Variants in XXYLT1 observed in about 807,000 individuals in gnomAD.
XXYLT1 encodes the protein UDP-xylose:alpha-xyloside alpha-1,3-xylosyltransferase.
A neutral mutation model predicts 28.9 loss-of-function variants in XXYLT1; 20 were observed. The ratio of observed to expected loss-of-function variants is 0.69; its 90% CI spans 0.49 to 1.00. XXYLT1 has a LOEUF of 1.00. Among genes scored for constraint, XXYLT1 ranks in the 50% least tolerant of loss-of-function variants. XXYLT1 has a pLI of 0.00. For synonymous variants in XXYLT1, 257 were observed against 253.8 expected (o/e 1.01, Z -0.12); for missense variants, 542 against 560.1 (o/e 0.97, Z 0.33).
intron 2 of XXYLT1, among the ~76,000 whole-genome samples, chr3:195,167,303 A>G (rs1430942328): frequency 6.6e-6 from 1 of 152,156 alleles, no homozygotes; most frequent in Non-Finnish European, 1.5e-5. Context: ...AATTATTACT[A>G]TGTTGAGCCG....
At chr3:195,203,138 G>GA (rs1035411483) in intron 2 of XXYLT1, among the ~76,000 whole-genome samples, 38 of 150,782 alleles carry the variant, frequency 2.5e-4, no homozygotes, top group African/African-American at 9.0e-4. Flanking sequence ...AACCTTCATA[G>GA]AAAAAAAGTT....
chr3:195,254,424 A>G (rs1278966333), intron 1 of XXYLT1, among the ~76,000 whole-genome samples: 1 of 152,210 alleles, frequency 6.6e-6, no homozygotes, highest in African/African-American at 2.4e-5. Context: ...TGGGGGCCAC[A>G]TGGCATCACA....
At chr3:195,074,415 G>C (rs1715001704) in intron 3 of XXYLT1, among the ~76,000 whole-genome samples, 1 of 152,192 alleles carries the variant, frequency 6.6e-6, no homozygotes. Context: ...TGCAGTCAGT[G>C]AGGCCTGGAA....
At chr3:195,080,220 G>C (rs1715353279) in intron 3 of XXYLT1, among the ~76,000 whole-genome samples, 1 of 152,232 alleles carries the variant, frequency 6.6e-6, no homozygotes, top group Non-Finnish European at 1.5e-5. Context: ...GAAGTGCTCA[G>C]TGTGACAAAG....
intron 2 of XXYLT1, among the ~76,000 whole-genome samples, chr3:195,201,398 TGG>T (rs1722843627): frequency 6.6e-6 from 1 of 152,244 alleles, no homozygotes; most frequent in Non-Finnish European, 1.5e-5. Flanking sequence ...CCTGTGTCTC[TGG>T]GGGTCCATCT....
At chr3:195,118,057 A>G (rs1718143239) in intron 3 of XXYLT1, among the ~76,000 whole-genome samples, 1 of 152,206 alleles carries the variant, frequency 6.6e-6, no homozygotes, top group Admixed American at 6.5e-5. Context: ...CACAAGGAAC[A>G]AGTACATTTC....
In XXYLT1 at chr3:195,133,699, G is replaced by A. The variant is rs1577064047; in HGVS notation, c.785+22750C>T. Among the ~76,000 whole-genome samples the A allele has an allele frequency of 1.3e-5, 2 of 152,282 alleles. No homozygotes were observed. Among genetic ancestry groups the A allele is most frequent in the Admixed American group, 6.5e-5 (1 of 15,296 alleles). On this transcript the variant is annotated intron_variant, in intron 3 of 3. Coordinates refer to ENST00000310380, the MANE Select transcript of XXYLT1 (RefSeq NM_152531.5). This position sits in a 1 kb window ranked among gnomAD's most constrained non-coding sequence, Gnocchi z 4.4. ...TGTATACAGTCACGCACCACGTGAC[G>A]ACGTTGCAGTCAACGACAGAACACA...
At chr3:195,116,651 C>T (rs988554290) in intron 3 of XXYLT1, among the ~76,000 whole-genome samples, 15 of 152,152 alleles carry the variant, frequency 9.9e-5, no homozygotes, top group African/African-American at 3.6e-4. Context: ...CCCTGGGACG[C>T]TTGGGAGAAT....
Position 195,256,443 on chromosome 3 carries a change from G to C in XXYLT1, c.504+14112C>G. The C allele has an allele frequency of 1.0e-6, 1 of 980,236 alleles. No homozygotes were observed. Among genetic ancestry groups the C allele is most frequent in the African/African-American group, 1.7e-5 (1 of 57,250 alleles). 60.7% of individuals were successfully genotyped at this position (980,236 alleles called of 1,614,324 possible). ...TGAGGTGCGGCCCTGCACAGGGCAG[G>C]GCCCGAGAAACGAACCAGTACCTCC... On this transcript the variant is annotated intron_variant, in intron 1 of 3. Transcript: ENST00000310380. The surrounding 1 kb of genome is among the most constrained non-coding windows in gnomAD (Gnocchi z 4.2).
At chr3:195,225,171 T>G (rs997171761) in intron 2 of XXYLT1, among the ~76,000 whole-genome samples, 1 of 152,212 alleles carries the variant, frequency 6.6e-6, no homozygotes, top group Non-Finnish European at 1.5e-5. Flanking sequence ...CTGACAGAGC[T>G]GCACCTGGGT....
intron 2 of XXYLT1, among the ~76,000 whole-genome samples, chr3:195,177,808 G>A (rs113264219): frequency 0.039 from 5,959 of 151,966 alleles, 392 homozygotes; most frequent in African/African-American, 0.14. Flanking sequence ...CTAGGCATGC[G>A]CCTGTAGTCC....
chr3:195,260,455 A>G (rs1306423629), intron 1 of XXYLT1, among the ~76,000 whole-genome samples: 1 of 152,142 alleles, frequency 6.6e-6, no homozygotes, highest in Non-Finnish European at 1.5e-5. Context: ...CCCCCTGGGC[A>G]GCCTCGGGCA....
At chr3:195,237,981 A>C (rs1724624034) in intron 1 of XXYLT1, among the ~76,000 whole-genome samples, 2 of 151,202 alleles carry the variant, frequency 1.3e-5, no homozygotes, top group South Asian at 2.1e-4. Flanking sequence ...TACCTTCCCC[A>C]CTGCCCCATT....
chr3:195,148,054 C>T (rs963507127), intron 3 of XXYLT1: 1 of 152,240 alleles, frequency 6.6e-6, no homozygotes, highest in Middle Eastern at 3.2e-3. Flanking sequence ...GCGCCCGAGT[C>T]TTGGGACGTC....
chr3:195,122,723 G>C (rs1718428292), intron 3 of XXYLT1, among the ~76,000 whole-genome samples: 1 of 152,210 alleles, frequency 6.6e-6, no homozygotes, highest in Non-Finnish European at 1.5e-5. Flanking sequence ...TCACATTATT[G>C]ACGGCACGTA....
intron 1 of XXYLT1, 69 bp downstream of exon 1, chr3:195,270,486 A>ACC: frequency 7.4e-7 from 1 of 1,350,884 alleles, no homozygotes; most frequent in South Asian, 1.8e-5. Flanking sequence ...CCCCTCCGGG[A>ACC]GCGCAAACTG....
intron 3 of XXYLT1, among the ~76,000 whole-genome samples, chr3:195,108,695 G>A (rs1717283103): frequency 6.6e-6 from 1 of 152,202 alleles, no homozygotes; most frequent in Admixed American, 6.5e-5. Context: ...GAATACTGTA[G>A]ATGCCTGTAA....
chr3:195,152,654 C>A (rs1720341669), intron 3 of XXYLT1: 1 of 152,180 alleles, frequency 6.6e-6, no homozygotes, highest in Admixed American at 6.5e-5. Context: ...AATAACTTCT[C>A]CTCCCGCACC....
rs1156730945 is a variant in XXYLT1, at chr3:195,069,709, G to A, written c.*6C>T. On this transcript the variant is annotated 3_prime_UTR_variant, in exon 4 of 4. Transcript: ENST00000310380. ...GGAGGCCCCGGGGGCAAGGCACGGGGAGCGCCTAGTCCTCCGGGATGGGAG... is the reference window on the plus strand; with the variant it reads ...GGAGGCCCCGGGGGCAAGGCACGGGAAGCGCCTAGTCCTCCGGGATGGGAG... The A allele has an allele frequency of 6.2e-7, 1 of 1,606,596 alleles. No individual in the cohort carries two copies. Among genetic ancestry groups the A allele is most frequent in the Admixed American group, 1.7e-5 (1 of 59,786 alleles).
Sources: gnomAD v4.1 joint callset for allele counts (sites outside exome capture counted in the v4.1 genomes callset) on GRCh38, gnomAD v4.1.1 for gene constraint, Gnocchi (gnomAD v3.1) non-coding constraint, MANE v1.5 for transcripts, NCBI Gene and HGNC (gene_info 2026-07-23, HGNC 2026-07-21) for gene names.